The following LHX4 variants were observed in gnomAD, a reference collection of about 807,000 sequenced individuals.
The protein encoded by LHX4 is LIM/homeobox protein Lhx4.
LHX4 carries 16 observed loss-of-function variants against 39.2 expected under a neutral mutation model. The observed-to-expected ratio is 0.41, with a 90% CI of 0.28 to 0.62. The LOEUF (loss-of-function observed/expected upper bound fraction) is 0.62. Ranked by LOEUF, LHX4 falls within the 20% of genes least tolerant of loss-of-function variation. The pLI is 0.33. For missense variants in LHX4, 439 were observed against 511.9 expected, an observed-to-expected ratio of 0.86 and a Z score of 1.37; for synonymous variants, 206 against 198.1, an observed-to-expected ratio of 1.04 and a Z score of -0.33.
At chr1:180,264,560 C>T (rs975743614) in intron 2 of LHX4, among the ~76,000 whole-genome samples, 4 of 152,178 alleles carry the variant, frequency 2.6e-5, no homozygotes, top group Admixed American at 6.5e-5. Flanking sequence ...TCCTCAGGTT[C>T]GGCCATCTCC....
At chr1:180,248,786 G>T in intron 2 of LHX4, 2 of 386,742 alleles carry the variant, frequency 5.2e-6, no homozygotes, top group South Asian at 4.4e-5. Flanking sequence ...AGAAAGAGTT[G>T]CTCTTTCTGT....
intron 1 of LHX4, among the ~76,000 whole-genome samples, chr1:180,239,453 TTAG>T (rs1166887529): frequency 2.0e-5 from 3 of 152,256 alleles, no homozygotes; most frequent in African/African-American, 7.2e-5. Flanking sequence ...CTCCTTTCAG[TTAG>T]TAGTCAGTAA....
intron 1 of LHX4, among the ~76,000 whole-genome samples, chr1:180,238,847 G>A (rs937233763): frequency 1.3e-5 from 2 of 152,158 alleles, no homozygotes; most frequent in Non-Finnish European, 2.9e-5. Flanking sequence ...TTGGGGGGCG[G>A]CACACACCAG....
intron 1 of LHX4, among the ~76,000 whole-genome samples, chr1:180,242,938 A>G (rs1664473956): frequency 6.6e-6 from 1 of 152,186 alleles, no homozygotes; most frequent in South Asian, 2.1e-4. Flanking sequence ...CATGAAATAC[A>G]TTGAGCTTAT....
intron 1 of LHX4, among the ~76,000 whole-genome samples, chr1:180,239,051 A>G (rs355635): frequency 0.062 from 9,447 of 152,318 alleles, 968 homozygotes; most frequent in African/African-American, 0.21. Flanking sequence ...TGAAATATTT[A>G]TCCAGTAATA....
At chr1:180,233,169 A>G (rs925098220) in intron 1 of LHX4, among the ~76,000 whole-genome samples, 2 of 152,150 alleles carry the variant, frequency 1.3e-5, no homozygotes, top group African/African-American at 4.8e-5. Context: ...TGAGGGGCAT[A>G]CCCTTTAGGA....
chr1:180,242,076 A>G (rs7529922), intron 1 of LHX4, among the ~76,000 whole-genome samples: 24,030 of 151,946 alleles, frequency 0.16, 3,185 homozygotes, highest in African/African-American at 0.35. Context: ...TATTTGAAAC[A>G]ATGTTTCTAC....
chr1:180,264,535 G>A (rs900934954), intron 2 of LHX4, among the ~76,000 whole-genome samples: 3 of 152,206 alleles, frequency 2.0e-5, no homozygotes, highest in South Asian at 2.1e-4. Context: ...AGCCGACTGT[G>A]TGCTTTGTTC....
At position 180,266,554 on chromosome 1, in the gene LHX4, G is replaced by A. The variant is rs753309676; in HGVS notation, c.411G>A (p.Arg137=). The A allele has an allele frequency of 6.8e-6, 11 of 1,614,024 alleles. No homozygotes were observed. Among genetic ancestry groups the A allele is most frequent in the South Asian group, 1.1e-5 (1 of 91,088 alleles). The change falls in exon 3 of 6, where the codon CGG becomes CGA. Residue 137 remains arginine, a synonymous_variant. Transcript: ENST00000263726. The surrounding 1 kb of genome is among the most constrained non-coding windows in gnomAD (Gnocchi z 5.7). ...GDEFYLMEDG[R]LVCKEDYETA... Reference sequence around the variant, plus strand: ...AATTCTACCTCATGGAGGACGGGCGGCTGGTGTGCAAGGAAGACTACGAGA... The same window carrying A: ...AATTCTACCTCATGGAGGACGGGCGACTGGTGTGCAAGGAAGACTACGAGA...
Position 180,266,468 on chromosome 1 carries a change from G to A in LHX4, c.325G>A (p.Val109Ile). ...TQVVRKAQDF[V>I]YHLHCFACII... is the part of the protein sequence containing the mutation. Reference sequence around the variant, plus strand: ...GGTGGTCCGCAAGGCCCAGGACTTTGTCTACCACCTGCACTGCTTTGCTTG... The same window carrying A: ...GGTGGTCCGCAAGGCCCAGGACTTTATCTACCACCTGCACTGCTTTGCTTG... The change falls in exon 3 of 6, where the codon GTC becomes ATC. Residue 109 changes from valine (V) to isoleucine (I), a missense_variant. Transcript: ENST00000263726. This position sits in a 1 kb window ranked among gnomAD's most constrained non-coding sequence, Gnocchi z 5.7. 1 of 1,614,234 alleles carries A rather than the reference G, an allele frequency of 6.2e-7. No homozygotes were observed. Among genetic ancestry groups the A allele is most frequent in the Non-Finnish European group, 8.5e-7 (1 of 1,180,042 alleles).
chr1:180,249,870 TGTGTGTGC>T (rs1230732073), intron 2 of LHX4, among the ~76,000 whole-genome samples: 1 of 151,232 alleles, frequency 6.6e-6, no homozygotes, highest in Non-Finnish European at 1.5e-5. Flanking sequence ...GCTCCCTACG[TGTGTGTGC>T]GTGTGTGAGT....
intron 2 of LHX4, among the ~76,000 whole-genome samples, chr1:180,254,451 C>T (rs1485347281): frequency 6.6e-6 from 1 of 152,248 alleles, no homozygotes; most frequent in Non-Finnish European, 1.5e-5. Flanking sequence ...AGGTAGGCAG[C>T]GTCCTTGGGA....
intron 1 of LHX4, among the ~76,000 whole-genome samples, chr1:180,247,440 A>C (rs1379731066): frequency 6.6e-6 from 1 of 152,132 alleles, no homozygotes; most frequent in Non-Finnish European, 1.5e-5. Context: ...TTCTGCTGTG[A>C]CTGATCAGGA....
intron 1 of LHX4, among the ~76,000 whole-genome samples, chr1:180,246,988 G>A (rs911338764): frequency 3.3e-5 from 5 of 152,336 alleles, no homozygotes; most frequent in South Asian, 2.1e-4. Context: ...TGCCAGCCTC[G>A]TGAGTGCTGT....
At chr1:180,274,048 T>A (rs1648863051) in intron 5 of LHX4, 137 bp from the exon 6 acceptor site, 2 of 1,070,472 alleles carry the variant, frequency 1.9e-6, no homozygotes, top group African/African-American at 1.5e-5. Context: ...TATTGGTGTG[T>A]CTGACCCATG....
At position 180,234,977 on chromosome 1, in the gene LHX4, C is replaced by A. The variant is rs894843494; in HGVS notation, c.76+4372C>A. 6.6e-6 allele frequency among the ~76,000 whole-genome samples: 1 copy of A among 152,204 alleles called. No individual in the cohort carries two copies. The highest frequency in any genetic ancestry group is 1.5e-5 in the Non-Finnish European group (1 of 68,040). On this transcript the variant is annotated intron_variant, in intron 1 of 5. Transcript: ENST00000263726. This position sits in a 1 kb window ranked among gnomAD's most constrained non-coding sequence, Gnocchi z 4.8. ...CTTTAAATGAGCGTTTGCTGCGCAC[C>A]CATGGGCGGCTCACGATCCTGGGCA...
intron 3 of LHX4, among the ~76,000 whole-genome samples, chr1:180,267,596 A>C (rs74132437): frequency 0.12 from 17,556 of 152,198 alleles, 1,321 homozygotes; most frequent in Admixed American, 0.2. Flanking sequence ...CCAACATGAT[A>C]ACCTCAGAGG....
upstream of LHX4, chr1:180,230,236 G>C: frequency 2.2e-6 from 1 of 464,732 alleles, no homozygotes; most frequent in Non-Finnish European, 3.9e-6. The surrounding 1 kb of genome is among the most constrained non-coding windows in gnomAD (Gnocchi z 5.8). Flanking sequence ...GGGAAGGAGC[G>C]GGCGGGGGAG....
At position 180,232,637 on chromosome 1, in the gene LHX4, G is replaced by A. The variant is rs1319458833; in HGVS notation, c.76+2032G>A. ...TGGAGGAGGCATCGGCCAAAATTGA[G>A]GGGCCCACTCCCTGAAGACTTCTGG... On this transcript the variant is annotated intron_variant, in intron 1 of 5. Coordinates refer to ENST00000263726, the MANE Select transcript of LHX4 (RefSeq NM_033343.4). This position sits in a 1 kb window ranked among gnomAD's most constrained non-coding sequence, Gnocchi z 5.4. Among the ~76,000 whole-genome samples, 1 of 152,204 alleles carries A rather than the reference G, an allele frequency of 6.6e-6. No individual in the cohort carries two copies. The highest frequency in any genetic ancestry group is 6.5e-5 in the Admixed American group (1 of 15,284).
Sources: allele counts gnomAD v4.1 joint callset (sites outside exome capture counted in the v4.1 genomes callset), GRCh38; gene constraint gnomAD v4.1.1; non-coding constraint Gnocchi (gnomAD v3.1); transcripts MANE v1.5; gene names NCBI Gene and HGNC (gene_info 2026-07-23, HGNC 2026-07-21).